Variants in PHF20L1 observed in about 807,000 individuals in gnomAD.
The protein encoded by PHF20L1 is PHD finger protein 20-like protein 1.
A neutral mutation model predicts 125.5 loss-of-function variants in PHF20L1; 44 were observed. That is an observed-to-expected ratio of 0.35 (90% confidence interval 0.28 to 0.45). The LOEUF (loss-of-function observed/expected upper bound fraction) is 0.45, where lower values mean the gene tolerates loss of function less well. Ranked by LOEUF, PHF20L1 falls within the 20% of genes least tolerant of loss-of-function variation. The pLI, the probability that PHF20L1 is intolerant of heterozygous loss-of-function variation, is 1.00. For synonymous variants in PHF20L1, 380 were observed against 403.1 expected (o/e 0.94, Z 0.69); for missense variants, 1,012 against 1,217.2 (o/e 0.83, Z 2.51).
rs971919399 is a variant in PHF20L1, at chr8:132,846,791, G to A, written c.*868G>A. On this transcript the variant is annotated 3_prime_UTR_variant, in exon 21 of 21. Coordinates refer to ENST00000395386, the MANE Select transcript of PHF20L1 (RefSeq NM_016018.5). Reference sequence around the variant, plus strand: ...TTGAATGGCAGTATTCAGGCTCAACGTACAGTTTGATCCTGAGTATGCTTG... The same window carrying A: ...TTGAATGGCAGTATTCAGGCTCAACATACAGTTTGATCCTGAGTATGCTTG... 6.6e-6 allele frequency: 1 copy of A among 151,356 alleles called. No homozygotes were observed. The highest frequency in any genetic ancestry group is 6.6e-5 in the Admixed American group (1 of 15,100). 9.4% of individuals were successfully genotyped at this position (151,356 alleles called of 1,614,324 possible). A position where few individuals can be genotyped will look rare whatever the true frequency, so the allele number is the denominator to read the frequency against.
intron 2 of PHF20L1, among the ~76,000 whole-genome samples, chr8:132,778,358 T>C (rs1044667906): frequency 6.6e-6 from 1 of 152,188 alleles, no homozygotes; most frequent in Non-Finnish European, 1.5e-5. Flanking sequence ...CATTTTTTCA[T>C]AGTGAACACT....
chr8:132,791,168 G>A (rs2553588), intron 2 of PHF20L1, among the ~76,000 whole-genome samples: 70,065 of 151,332 alleles, frequency 0.46, 16,316 homozygotes, highest in South Asian at 0.52. Flanking sequence ...AGAGCCTGAC[G>A]TACCTGCAAT....
At chr8:132,790,158 C>G (rs1300560033) in intron 2 of PHF20L1, among the ~76,000 whole-genome samples, 3 of 152,094 alleles carry the variant, frequency 2.0e-5, no homozygotes, top group African/African-American at 4.8e-5. Context: ...TCAGAAAAAT[C>G]TTATGTTTAA....
intron 8 of PHF20L1, chr8:132,808,436 T>G (rs1463661715): frequency 6.6e-6 from 1 of 152,030 alleles, no homozygotes; most frequent in Non-Finnish European, 1.5e-5. Flanking sequence ...TTTCATCTAT[T>G]GAGTATTAAA....
chr8:132,824,006 A>T lies in PHF20L1; in HGVS notation c.1582A>T (p.Ile528Leu). ...CATATTTTTCCCCTAACCCACAGGAATATCGAAAACAGAAAAAAAAGTGAA... is the reference window on the plus strand; with the variant it reads ...CATATTTTTCCCCTAACCCACAGGATTATCGAAAACAGAAAAAAAAGTGAA... ...DGRGAPAAAG[I>L]SKTEKKVKLE... is the part of the protein sequence containing the mutation. Residue 528 changes from isoleucine (I) to leucine (L), a missense_variant and splice_region_variant, in exon 13 of 21, where the codon ATA (isoleucine) becomes TTA (leucine). By Grantham distance (5) the Ile-to-Leu change is conservative. This residue lies in a region of PHF20L1 where 320 missense variants were observed against 293.8 expected (regional missense o/e 1.09). Coordinates refer to ENST00000395386, the MANE Select transcript of PHF20L1 (RefSeq NM_016018.5). 6.3e-7 allele frequency: 1 copy of T among 1,586,102 alleles called. No individual in the cohort carries two copies. Among genetic ancestry groups the T allele is most frequent in the Non-Finnish European group, 8.6e-7 (1 of 1,157,580 alleles).
chr8:132,814,832 C>G lies in PHF20L1; in HGVS notation c.1126C>G (p.Gln376Glu). The G allele has an allele frequency of 6.2e-7, 1 of 1,610,068 alleles. No homozygotes were observed. Among genetic ancestry groups the G allele is most frequent in the Non-Finnish European group, 8.5e-7 (1 of 1,176,692 alleles). Residue 376 changes from glutamine to glutamate, a missense_variant, in exon 10 of 21, where the codon CAA (glutamine) becomes GAA (glutamate). Physicochemically the swap from Gln to Glu is conservative, Grantham distance 29. Transcript: ENST00000395386. ...PKSPLSPELI[Q>E]VEDLTLVSQL... ...ATCACCACTTTCCCCAGAATTAATA[C>G]AAGTCGAGGATTTGACGCTTGTATC...
At chr8:132,810,861 A>G in intron 8 of PHF20L1, 185 bp from the exon 9 acceptor site, 1 of 533,472 alleles carries the variant, frequency 1.9e-6, no homozygotes. Context: ...GCAACTCTCA[A>G]GTTCTGATTC....
chr8:132,783,830 G>C (rs958880930), intron 2 of PHF20L1, among the ~76,000 whole-genome samples: 120 of 152,208 alleles, frequency 7.9e-4, no homozygotes, highest in African/African-American at 2.8e-3. Flanking sequence ...ACATACTATG[G>C]TCATAAGTTC....
At position 132,837,747 on chromosome 8, in the gene PHF20L1, C is replaced by T. The variant is rs1366773270; in HGVS notation, c.2127C>T (p.Cys709=). 6.2e-7 allele frequency: 1 copy of T among 1,613,034 alleles called. No homozygotes were observed. Among genetic ancestry groups the T allele is most frequent in the Non-Finnish European group, 8.5e-7 (1 of 1,179,386 alleles). The change falls in exon 17 of 21, where the codon TGC becomes TGT. Residue 709 remains cysteine, a synonymous_variant. Coordinates refer to ENST00000395386, the MANE Select transcript of PHF20L1 (RefSeq NM_016018.5). The stretch of plus-strand genomic sequence containing the variant: ...GCTTGTGTTGGCAACACAGCGTGTG[C>T]ATGGGGCTGCTGGAGGAGAGCATTC... ...EECLCWQHSV[C]MGLLEESIPE...
At chr8:132,791,261 T>TC (rs1321266725) in intron 2 of PHF20L1, among the ~76,000 whole-genome samples, 5 of 149,796 alleles carry the variant, frequency 3.3e-5, no homozygotes, top group African/African-American at 1.2e-4. Flanking sequence ...TTCCTTTTTT[T>TC]TTTTTTTTTT....
Position 132,845,876 on chromosome 8 carries a change from A to G in PHF20L1, c.3007A>G (p.Ile1003Val), listed in dbSNP as rs1184501573. The G allele has an allele frequency of 1.9e-6, 3 of 1,612,396 alleles. No homozygotes were observed. Among genetic ancestry groups the G allele is most frequent in the Non-Finnish European group, 2.5e-6 (3 of 1,178,860 alleles). The change falls in exon 21 of 21, where the codon ATT becomes GTT. Residue 1003 changes from isoleucine to valine, a missense_variant. Ile to Val is a conservative substitution (Grantham distance 29). Transcript: ENST00000395386. ...TAAACGCCACATAAAACAGCTCCTA[A>G]TTGACATGGGCAAAGTACAGCAGAT... ...QLKRHIKQLL[I>V]DMGKVQQIAT...
intron 19 of PHF20L1, chr8:132,843,308 CT>C (rs1838115816): frequency 3.0e-6 from 3 of 984,450 alleles, no homozygotes; most frequent in Non-Finnish European, 3.6e-6. Context: ...ATGCATCCCA[CT>C]ATTCAGTAAG....
intron 16 of PHF20L1, 133 bp downstream of exon 16, chr8:132,836,854 C>A (rs747348328): frequency 4.5e-5 from 29 of 642,678 alleles, no homozygotes; most frequent in Non-Finnish European, 7.6e-5. Context: ...GTGGAAAATA[C>A]CCATAGTAAT....
rs1414932491 is a variant in PHF20L1 at position 132,775,519 on chromosome 8, C to G, written c.-164C>G. ...CCGGCGCTGCGGCCCCAGCTCGCTC[C>G]GCTCCTGCTCCCTCCCCGGCCGCTG... is the stretch of plus-strand genomic sequence containing the variant. On this transcript the variant is annotated 5_prime_UTR_variant, in exon 1 of 21. Transcript: ENST00000395386. 10 of 374,476 alleles carry G rather than the reference C, an allele frequency of 2.7e-5. No homozygotes were observed. Among genetic ancestry groups the G allele is most frequent in the Non-Finnish European group, 4.8e-5 (10 of 210,478 alleles). 23.2% of individuals were successfully genotyped at this position (374,476 alleles called of 1,614,324 possible). A position where few individuals can be genotyped will look rare whatever the true frequency, so the allele number is the denominator to read the frequency against.
At chr8:132,792,525 A>G (rs1449041775) in intron 2 of PHF20L1, among the ~76,000 whole-genome samples, 1 of 152,180 alleles carries the variant, frequency 6.6e-6, no homozygotes, top group African/African-American at 2.4e-5. Context: ...TAACAAGGCT[A>G]TAATTGGGTC....
chr8:132,842,953 G>T, intron 19 of PHF20L1, 78 bp downstream of exon 19: 1 of 1,473,136 alleles, frequency 6.8e-7, no homozygotes. Flanking sequence ...AAGGCATACT[G>T]AATTCCCAGA....
rs1031103755 is a variant in PHF20L1 at position 132,846,538 on chromosome 8, A to G, written c.*615A>G. On this transcript the variant is annotated 3_prime_UTR_variant, in exon 21 of 21. Coordinates refer to ENST00000395386, the MANE Select transcript of PHF20L1 (RefSeq NM_016018.5). Reference sequence around the variant, plus strand: ...ACAGTTGTGGAATTCTTACTTCATTATGAATGTATTTAAAAAACAAACACC... The same window carrying G: ...ACAGTTGTGGAATTCTTACTTCATTGTGAATGTATTTAAAAAACAAACACC... The G allele has an allele frequency of 6.6e-6, 1 of 152,580 alleles. No homozygotes were observed. The highest frequency in any genetic ancestry group is 2.4e-5 in the African/African-American group (1 of 41,442). 9.5% of individuals were successfully genotyped at this position (152,580 alleles called of 1,614,324 possible). A position where few individuals can be genotyped will look rare whatever the true frequency, so the allele number is the denominator to read the frequency against.
In PHF20L1 at chr8:132,775,861, T is replaced by C. The variant is rs542574626; in HGVS notation, c.-38+216T>C. On this transcript the variant is annotated intron_variant, in intron 1 of 20. Transcript: ENST00000395386. ...GATGGCTGTCAAACCTGGAGGCTTCTCCAGCTCCCTGCCAGCCCTGTCAGC... is the reference window on the plus strand; with the variant it reads ...GATGGCTGTCAAACCTGGAGGCTTCCCCAGCTCCCTGCCAGCCCTGTCAGC... Among the ~76,000 whole-genome samples the C allele has an allele frequency of 4.6e-5, 7 of 152,258 alleles. No individual in the cohort carries two copies. In the East Asian group the frequency reaches 7.7e-4, roughly 17 times the overall value.
At chr8:132,814,374 T>C (rs1227110399) in intron 9 of PHF20L1, among the ~76,000 whole-genome samples, 1 of 151,902 alleles carries the variant, frequency 6.6e-6, no homozygotes, top group Non-Finnish European at 1.5e-5. Flanking sequence ...AAGATAACAT[T>C]TTATGTTCCG....
Sources: gnomAD v4.1 joint callset for allele counts (sites outside exome capture counted in the v4.1 genomes callset) on GRCh38, gnomAD v4.1.1 for gene constraint, gnomAD v4.1.1 regional missense constraint, MANE v1.5 for transcripts, NCBI Gene and HGNC (gene_info 2026-07-23, HGNC 2026-07-21) for gene names.